The following THSD1 variants were observed in gnomAD, a reference collection of about 807,000 sequenced individuals.
The protein encoded by THSD1 is thrombospondin type 1 domain containing 1.
In THSD1, 34 loss-of-function variants were observed where a neutral mutation model predicts 46.3. That is an observed-to-expected ratio of 0.74 (90% CI 0.56 to 0.98). The LOEUF (loss-of-function observed/expected upper bound fraction) is 0.98, where lower values mean the gene tolerates loss of function less well. Among genes scored for constraint, THSD1 ranks in the 50% least tolerant of loss-of-function variants. The probability of loss-of-function intolerance (pLI) is 0.00; values close to 1 mark genes in which losing one functional copy is unlikely to be tolerated. For missense variants in THSD1, 1,023 were observed against 1,058.3 expected (o/e 0.97, Z 0.46); for synonymous variants, 407 against 416.5 (o/e 0.98, Z 0.28).
chr13:52,390,735 C>G (rs1487040578), intron 3 of THSD1, among the ~76,000 whole-genome samples: 1 of 152,062 alleles, frequency 6.6e-6, no homozygotes, highest in Non-Finnish European at 1.5e-5. Context: ...AAAATTAAGT[C>G]AATATATAGT....
intron 3 of THSD1, among the ~76,000 whole-genome samples, chr13:52,394,260 G>T (rs1479143403): frequency 6.6e-6 from 1 of 152,164 alleles, no homozygotes; most frequent in Non-Finnish European, 1.5e-5. Flanking sequence ...GACTTCCTTT[G>T]ATTCATTTTT....
At position 52,378,421 on chromosome 13, in the gene THSD1, G is replaced by A. The variant is rs769816134; in HGVS notation, c.1549C>T (p.Gln517Ter). ...GGGATTATCTTCTGGGCGTTGGACT[G>A]GAAGCTCTCGCTGCCAGAGGCATCA... is the stretch of plus-strand genomic sequence containing the variant. Reference protein sequence around the residue: ...EDDASGSESFQSNAQKIIPPL... With the variant: ...EDDASGSESF The change falls in exon 5 of 5, where the codon CAG (glutamine) becomes TAG (stop). Residue 517 changes from glutamine (Q) to a stop codon, truncating the protein, a stop_gained. Coordinates refer to ENST00000258613, the MANE Select transcript of THSD1 (RefSeq NM_018676.4). LOFTEE classifies it low-confidence loss of function (END_TRUNC). 6.2e-7 allele frequency: 1 copy of A among 1,614,144 alleles called. No individual in the cohort carries two copies. Among genetic ancestry groups the A allele is most frequent in the South Asian group, 1.1e-5 (1 of 91,078 alleles).
chr13:52,385,959 G>T lies in THSD1; in HGVS notation c.1180+69C>A. On this transcript the variant is annotated intron_variant, in intron 4 of 4. Coordinates refer to ENST00000258613, the MANE Select transcript of THSD1 (RefSeq NM_018676.4). ...TCTTAGACTGGTAACTCTCAGGCAGGCCTGGGTTCAATATTCCTTCTGATG... is the reference window on the plus strand; with the variant it reads ...TCTTAGACTGGTAACTCTCAGGCAGTCCTGGGTTCAATATTCCTTCTGATG... The T allele has an allele frequency of 2.7e-6, 4 of 1,462,044 alleles. No homozygotes were observed. The Admixed American group carries it at 8.1e-5, about 30-fold the overall frequency. 90.6% of individuals were successfully genotyped at this position (1,462,044 alleles called of 1,614,324 possible). A position where few individuals can be genotyped will look rare whatever the true frequency, so the allele number is the denominator to read the frequency against.
intron 4 of THSD1, among the ~76,000 whole-genome samples, chr13:52,380,721 T>C (rs893587954): frequency 1.3e-5 from 2 of 152,116 alleles, no homozygotes. Flanking sequence ...GTGCTGGGAT[T>C]ACACATACTT....
intron 3 of THSD1, among the ~76,000 whole-genome samples, chr13:52,389,930 A>G (rs1270732160): frequency 6.6e-6 from 1 of 152,146 alleles, no homozygotes; most frequent in African/African-American, 2.4e-5. Flanking sequence ...ACTTGAGCTC[A>G]GGAGTTTGAG....
chr13:52,399,019 C>G (rs1338476378), intron 2 of THSD1, among the ~76,000 whole-genome samples: 1 of 152,190 alleles, frequency 6.6e-6, no homozygotes, highest in Non-Finnish European at 1.5e-5. Context: ...ATGAGGCAGA[C>G]ATATTTAGAT....
Position 52,378,725 on chromosome 13 carries a change from C to T in THSD1, c.1245G>A (p.Val415=), listed in dbSNP as rs778135153. The change falls in exon 5 of 5, where the codon GTG becomes GTA. Residue 415 remains valine, a synonymous_variant. Transcript: ENST00000258613. Reference sequence around the variant, plus strand: ...AGCACAAGGATATACCAGTGACAGTCACGATGTTGTTGGACTTCACTGGAC... The same window carrying T: ...AGCACAAGGATATACCAGTGACAGTTACGATGTTGTTGGACTTCACTGGAC... ...PQGPVKSNNI[V]TVTGISLCLF... is the part of the protein sequence containing the mutation. The T allele has an allele frequency of 6.2e-7, 1 of 1,613,462 alleles. No individual in the cohort carries two copies. Among genetic ancestry groups the T allele is most frequent in the African/African-American group, 1.3e-5 (1 of 74,974 alleles).
chr13:52,386,010 G>T lies in THSD1; in HGVS notation c.1180+18C>A. On this transcript the variant is annotated intron_variant, in intron 4 of 4. Coordinates refer to ENST00000258613, the MANE Select transcript of THSD1 (RefSeq NM_018676.4). The stretch of plus-strand genomic sequence containing the variant: ...AAGGCTCTGAGGAGAGACTCCCGAA[G>T]GAAGCAAGAATACCTACCAGCACAC... 1.2e-6 allele frequency: 2 copies of T among 1,611,818 alleles called. No individual in the cohort carries two copies. Among genetic ancestry groups the T allele is most frequent in the Non-Finnish European group, 1.7e-6 (2 of 1,178,810 alleles).
chr13:52,386,903 G>A (rs538222437), intron 3 of THSD1, among the ~76,000 whole-genome samples: 4 of 152,262 alleles, frequency 2.6e-5, no homozygotes, highest in Middle Eastern at 3.4e-3. Flanking sequence ...CACCCTTGGG[G>A]AAGAGCCAAA....
At position 52,397,582 on chromosome 13, in the gene THSD1, C is replaced by A; in HGVS notation, c.671G>T (p.Arg224Leu). ...TCCTGTGGAGGTAATGACTGAGTCTCGCCCAAGCAGCTTCAGCACCACGGT... is the reference window on the plus strand; with the variant it reads ...TCCTGTGGAGGTAATGACTGAGTCTAGCCCAAGCAGCTTCAGCACCACGGT... ...YVTVVLKLLGRDSVITSTGPI... is the reference protein window; with the variant it reads ...YVTVVLKLLGLDSVITSTGPI... Residue 224 changes from arginine (R) to leucine (L), a missense_variant, in exon 3 of 5, where the codon CGA becomes CTA. Coordinates refer to ENST00000258613, the MANE Select transcript of THSD1 (RefSeq NM_018676.4). 4 of 1,614,178 alleles carry A rather than the reference C, an allele frequency of 2.5e-6. No homozygotes were observed. The highest frequency in any genetic ancestry group is 3.4e-6 in the Non-Finnish European group (4 of 1,180,036).
chr13:52,388,604 C>T (rs373291003), intron 3 of THSD1, among the ~76,000 whole-genome samples: 236 of 152,212 alleles, frequency 1.6e-3, no homozygotes, highest in African/African-American at 5.1e-3. Context: ...CTCAGCCTCC[C>T]GAGTAGCTGG....
rs1052731 is a variant in THSD1, at chr13:52,377,282, T to C, written c.*129A>G. 120 of 1,371,106 alleles carry C rather than the reference T, an allele frequency of 8.8e-5. No homozygotes were observed. Among genetic ancestry groups the C allele is most frequent in the Middle Eastern group, 2.7e-4 (1 of 3,734 alleles). The allele number at this position is 1,371,106 out of a possible 1,614,324, so 84.9% of individuals were successfully genotyped here. A position where few individuals can be genotyped will look rare whatever the true frequency, so the allele number is the denominator to read the frequency against. ...TTCCTTGTGAATTCAAACACATGCA[T>C]ACACACACATCCTCCTCTGTGTGTT... On this transcript the variant is annotated 3_prime_UTR_variant, in exon 5 of 5. Coordinates refer to ENST00000258613, the MANE Select transcript of THSD1 (RefSeq NM_018676.4).
Position 52,377,839 on chromosome 13 carries a change from G to C in THSD1, c.2131C>G (p.His711Asp). The C allele has an allele frequency of 7.4e-6, 12 of 1,614,210 alleles. No individual in the cohort carries two copies. Among genetic ancestry groups the C allele is most frequent in the Non-Finnish European group, 1.0e-5 (12 of 1,180,038 alleles). Residue 711 changes from histidine (H) to aspartate (D), a missense_variant, in exon 5 of 5, where the codon CAT becomes GAT. Coordinates refer to ENST00000258613, the MANE Select transcript of THSD1 (RefSeq NM_018676.4). ...GAHLFPEKLE[H>D]FQEASGTRGP... Reference sequence around the variant, plus strand: ...CGGGTTCCACTTGCCTCTTGGAAATGCTCCAGTTTTTCAGGAAACAGGTGG... The same window carrying C: ...CGGGTTCCACTTGCCTCTTGGAAATCCTCCAGTTTTTCAGGAAACAGGTGG...
In THSD1 at chr13:52,378,562, C is replaced by T. The variant is rs146199335; in HGVS notation, c.1408G>A (p.Glu470Lys). The T allele has an allele frequency of 2.9e-4, 462 of 1,614,132 alleles. 1 individual carries two copies. In the East Asian group the frequency reaches 3.9e-3, roughly 14 times the overall value. ...RKNSDEENIC[E>K]LSEQRGSFSD... ...AAGCTCCCGCGCTGCTCGCTCAGCT[C>T]GCAGATATTCTCCTCGTCCGAGTTC... The change falls in exon 5 of 5, where the codon GAG (glutamate) becomes AAG (lysine). Residue 470 changes from glutamate (E) to lysine (K), a missense_variant. By Grantham distance (56) the Glu-to-Lys change is moderately conservative (BLOSUM62 1). Around this residue, in one of 3 missense-constraint regions of THSD1, gnomAD observed 578 missense variants for 497.4 expected, o/e 1.16. Transcript: ENST00000258613.
rs1486282953 is a variant in THSD1, at chr13:52,377,687, C to T, written c.2283G>A (p.Arg761=). ...IERTEPHRAR[R]GPSPSHKSVS... is the part of the protein sequence containing the mutation. Reference sequence around the variant, plus strand: ...CACTCTTGTGACTGGGGGACGGTCCCCGACGAGCTCTGTGGGGCTCTGTTC... The same window carrying T: ...CACTCTTGTGACTGGGGGACGGTCCTCGACGAGCTCTGTGGGGCTCTGTTC... The change falls in exon 5 of 5, where the codon CGG becomes CGA. Residue 761 remains arginine, a synonymous_variant. Transcript: ENST00000258613. The T allele has an allele frequency of 6.8e-6, 11 of 1,609,856 alleles. No homozygotes were observed. Among genetic ancestry groups the T allele is most frequent in the Non-Finnish European group, 9.3e-6 (11 of 1,176,884 alleles).
At chr13:52,395,906 G>A (rs1456524476) in intron 3 of THSD1, among the ~76,000 whole-genome samples, 1 of 152,198 alleles carries the variant, frequency 6.6e-6, no homozygotes, top group Non-Finnish European at 1.5e-5. Context: ...ATGTAACCTT[G>A]TCACTCAGCC....
At chr13:52,401,587 C>T (rs1192367569) in intron 2 of THSD1, among the ~76,000 whole-genome samples, 3 of 152,226 alleles carry the variant, frequency 2.0e-5, no homozygotes, top group Non-Finnish European at 4.4e-5. Flanking sequence ...GCATGAGCCA[C>T]CGCGCCCGGC....
At chr13:52,392,224 C>CATGTAGG (rs1957779602) in intron 3 of THSD1, among the ~76,000 whole-genome samples, 1 of 140,190 alleles carries the variant, frequency 7.1e-6, no homozygotes, top group African/African-American at 2.6e-5. Flanking sequence ...AAAATCATAG[C>CATGTAGG]ATGTAGGATA....
chr13:52,381,372 C>T (rs993544283), intron 4 of THSD1, among the ~76,000 whole-genome samples: 8 of 152,166 alleles, frequency 5.3e-5, no homozygotes, highest in Non-Finnish European at 1.2e-4. Flanking sequence ...AGTGCCCCTG[C>T]GCAGTCACAG....
Sources: allele counts gnomAD v4.1 joint callset (sites outside exome capture counted in the v4.1 genomes callset), GRCh38; gene constraint gnomAD v4.1.1; regional missense constraint gnomAD v4.1.1; transcripts MANE v1.5; gene names NCBI Gene and HGNC (gene_info 2026-07-23, HGNC 2026-07-21).